The following NRXN3 variants were observed in gnomAD, a reference collection of about 807,000 sequenced individuals.
NRXN3 encodes the protein neurexin III.
In NRXN3, 32 loss-of-function variants were observed where a neutral mutation model predicts 137.6. That is an observed-to-expected ratio of 0.23 (90% CI 0.18 to 0.31). The LOEUF (loss-of-function observed/expected upper bound fraction) is 0.31. NRXN3 is among the 10% of genes least tolerant of loss of function. The pLI is 1.00. For missense variants in NRXN3, 1,574 were observed against 2,062.5 expected, an observed-to-expected ratio of 0.76 and a Z score of 4.59; for synonymous variants, 798 against 784.5, an observed-to-expected ratio of 1.02 and a Z score of -0.29.
chr14:78,288,240 A>G (rs1266646662), intron 3 of NRXN3, among the ~76,000 whole-genome samples: 1 of 152,138 alleles, frequency 6.6e-6, no homozygotes, highest in Non-Finnish European at 1.5e-5. Flanking sequence ...TCGGCTTCCA[A>G]AAGTGCTGGG....
At chr14:79,694,815 C>T (rs1434283382) in intron 18 of NRXN3, among the ~76,000 whole-genome samples, 1 of 151,892 alleles carries the variant, frequency 6.6e-6, no homozygotes, top group Non-Finnish European at 1.5e-5. Context: ...CTAGCTTTGC[C>T]ATTAACCACC....
At chr14:79,054,989 T>C (rs2099654763) in intron 15 of NRXN3, among the ~76,000 whole-genome samples, 1 of 152,236 alleles carries the variant, frequency 6.6e-6, no homozygotes, top group Non-Finnish European at 1.5e-5. Flanking sequence ...GCTTGGGAGC[T>C]GCAGATGTCT....
chr14:78,399,362 G>A (rs954446983), intron 4 of NRXN3, among the ~76,000 whole-genome samples: 10 of 152,172 alleles, frequency 6.6e-5, no homozygotes, highest in Admixed American at 5.2e-4. Flanking sequence ...AAACAAGCAT[G>A]TATACTCTAT....
intron 1 of NRXN3, among the ~76,000 whole-genome samples, chr14:78,226,700 T>C (rs1567016234): frequency 6.6e-6 from 1 of 152,130 alleles, no homozygotes; most frequent in Non-Finnish European, 1.5e-5. Flanking sequence ...ATAGAATAAT[T>C]TTTTGAGTCT....
chr14:78,294,692 A>G (rs978945433), intron 3 of NRXN3, among the ~76,000 whole-genome samples: 1 of 152,210 alleles, frequency 6.6e-6, no homozygotes, highest in Non-Finnish European at 1.5e-5. Context: ...AGGCAAAGAA[A>G]TGTTTAACAA....
intron 15 of NRXN3, among the ~76,000 whole-genome samples, chr14:79,030,665 T>G (rs2152489881): frequency 7.1e-6 from 1 of 140,826 alleles, no homozygotes; most frequent in East Asian, 2.1e-4. Flanking sequence ...TTTTAGCTTT[T>G]CATTGTAGAG....
At chr14:79,131,070 A>G (rs1300491929) in intron 15 of NRXN3, among the ~76,000 whole-genome samples, 2 of 152,076 alleles carry the variant, frequency 1.3e-5, no homozygotes, top group African/African-American at 2.4e-5. Flanking sequence ...TATTCTAGTT[A>G]TATATTCTTC....
At chr14:79,689,462 C>T (rs185954252) in intron 17 of NRXN3, among the ~76,000 whole-genome samples, 137 of 152,174 alleles carry the variant, frequency 9.0e-4, no homozygotes, top group Middle Eastern at 3.4e-3. Context: ...AGACTAAGAA[C>T]AATGTTAATG....
chr14:79,093,434 T>A (rs2049593938), intron 15 of NRXN3, among the ~76,000 whole-genome samples: 1 of 152,160 alleles, frequency 6.6e-6, no homozygotes. Context: ...CAAAGGGACC[T>A]GATCTGTAAG....
chr14:79,540,041 A>C (rs2097257088), intron 16 of NRXN3, among the ~76,000 whole-genome samples: 1 of 152,136 alleles, frequency 6.6e-6, no homozygotes. Flanking sequence ...AAATTCCCAA[A>C]GCTCATATTA....
chr14:79,192,235 T>A (rs1337724245), intron 15 of NRXN3, among the ~76,000 whole-genome samples: 1 of 152,198 alleles, frequency 6.6e-6, no homozygotes, highest in Non-Finnish European at 1.5e-5. Context: ...CATCTCTAAG[T>A]CTTTGATTCT....
chr14:78,548,271 A>G (rs1255393553), intron 4 of NRXN3, among the ~76,000 whole-genome samples: 1 of 152,196 alleles, frequency 6.6e-6, no homozygotes, highest in Non-Finnish European at 1.5e-5. Flanking sequence ...ATATAAGTAT[A>G]TAATATCAAT....
intron 15 of NRXN3, among the ~76,000 whole-genome samples, chr14:79,428,848 G>A (rs919038265): frequency 6.6e-6 from 1 of 152,202 alleles, no homozygotes; most frequent in Non-Finnish European, 1.5e-5. Context: ...AATAAATACA[G>A]TAGGAATTAG....
At chr14:78,617,856 A>G (rs2097361727) in intron 4 of NRXN3, among the ~76,000 whole-genome samples, 1 of 150,724 alleles carries the variant, frequency 6.6e-6, no homozygotes, top group Non-Finnish European at 1.5e-5. Flanking sequence ...TCTATCATCT[A>G]TTCTCTAGTT....
At chr14:78,439,910 T>G (rs567837331) in intron 4 of NRXN3, among the ~76,000 whole-genome samples, 6 of 152,310 alleles carry the variant, frequency 3.9e-5, no homozygotes, top group Admixed American at 2.6e-4. Flanking sequence ...CCAGTCTGCC[T>G]ACTCCTACCC....
chr14:78,690,674 T>C (rs912223442), intron 6 of NRXN3, among the ~76,000 whole-genome samples: 2 of 152,148 alleles, frequency 1.3e-5, no homozygotes, highest in Non-Finnish European at 2.9e-5. Flanking sequence ...ATGGACTTAG[T>C]AAAATATTAA....
At chr14:79,241,820 A>G (rs1164101549) in intron 15 of NRXN3, among the ~76,000 whole-genome samples, 1 of 152,166 alleles carries the variant, frequency 6.6e-6, no homozygotes, top group Non-Finnish European at 1.5e-5. Flanking sequence ...TAATCCCAAC[A>G]CTTTGGGAGG....
intron 10 of NRXN3, among the ~76,000 whole-genome samples, chr14:78,930,857 T>G (rs568214258): frequency 2.0e-5 from 3 of 152,296 alleles, no homozygotes; most frequent in Non-Finnish European, 2.9e-5. Context: ...TCCTGGTGGT[T>G]CTCTCTGTAT....
chr14:78,591,797 G>T (rs1448073132), intron 4 of NRXN3, among the ~76,000 whole-genome samples: 1 of 152,174 alleles, frequency 6.6e-6, no homozygotes, highest in African/African-American at 2.4e-5. Flanking sequence ...GAAAGACAAG[G>T]GTAGAAGAGA....
Sources: allele counts gnomAD v4.1 joint callset (sites outside exome capture counted in the v4.1 genomes callset), GRCh38; gene constraint gnomAD v4.1.1; transcripts MANE v1.5; gene names NCBI Gene and HGNC (gene_info 2026-07-23, HGNC 2026-07-21).